Variants in EPB41 observed in about 807,000 individuals in gnomAD.
EPB41 encodes erythrocyte membrane protein band 4.1, also known as protein 4.1.
A neutral mutation model predicts 108.0 loss-of-function variants in EPB41; 65 were observed. The observed-to-expected ratio is 0.60, with a 90% CI of 0.49 to 0.74. EPB41 has a LOEUF of 0.74. Among genes scored for constraint, EPB41 ranks in the 30% least tolerant of loss-of-function variants. The pLI is 0.00. For synonymous variants in EPB41, 336 were observed against 358.9 expected (o/e 0.94, Z 0.72); for missense variants, 875 against 1,037.0 (o/e 0.84, Z 2.15).
intron 1 of EPB41, among the ~76,000 whole-genome samples, chr1:28,927,395 A>G (rs1456850209): frequency 6.6e-6 from 1 of 152,144 alleles, no homozygotes. Flanking sequence ...GTAAGGAAGC[A>G]TGGAGTTTTT....
At chr1:28,962,588 C>T (rs1212888308) in intron 1 of EPB41, among the ~76,000 whole-genome samples, 1 of 152,148 alleles carries the variant, frequency 6.6e-6, no homozygotes, top group Non-Finnish European at 1.5e-5. Context: ...CTGGTTTTCC[C>T]CAGCCCCTGC....
At chr1:29,107,667 A>G (rs1008170447) in intron 17 of EPB41, among the ~76,000 whole-genome samples, 2 of 151,768 alleles carry the variant, frequency 1.3e-5, no homozygotes, top group African/African-American at 2.4e-5. Flanking sequence ...CCTGGCCAAT[A>G]TGGTGAAACT....
chr1:28,937,945 T>A (rs951011191), intron 1 of EPB41, among the ~76,000 whole-genome samples: 1 of 152,244 alleles, frequency 6.6e-6, no homozygotes, highest in Non-Finnish European at 1.5e-5. Flanking sequence ...GCATTATATG[T>A]TGAAAGGACT....
chr1:29,083,884 T>C (rs1657744369), intron 16 of EPB41, among the ~76,000 whole-genome samples: 1 of 152,238 alleles, frequency 6.6e-6, no homozygotes, highest in Non-Finnish European at 1.5e-5. Flanking sequence ...ACTGATCTTA[T>C]CAGGATTAAA....
intron 1 of EPB41, among the ~76,000 whole-genome samples, chr1:28,889,424 G>T (rs2089848615): frequency 6.6e-6 from 1 of 152,216 alleles, no homozygotes; most frequent in Admixed American, 6.5e-5. Flanking sequence ...ATCCCTCCTA[G>T]ACCAGGGCTG....
chr1:29,085,137 T>G (rs150033092), intron 16 of EPB41, among the ~76,000 whole-genome samples: 88 of 148,934 alleles, frequency 5.9e-4, no homozygotes, highest in African/African-American at 2.1e-3. Context: ...AATACTTTGA[T>G]CTTCTTTTTT....
chr1:28,919,854 A>G (rs571423489), intron 1 of EPB41, among the ~76,000 whole-genome samples: 2 of 152,324 alleles, frequency 1.3e-5, no homozygotes, highest in East Asian at 1.9e-4. Context: ...ATTGCAATTA[A>G]GAGCAGTTCT....
At chr1:29,109,560 A>G (rs1294275450) in intron 18 of EPB41, 123 bp downstream of exon 18, 12 of 802,386 alleles carry the variant, frequency 1.5e-5, no homozygotes, top group Non-Finnish European at 2.6e-5. Flanking sequence ...AGTAAGCCAC[A>G]TTATTCAAAG....
chr1:29,030,601 T>C, intron 8 of EPB41, 114 bp downstream of exon 8: 1 of 862,640 alleles, frequency 1.2e-6, no homozygotes, highest in East Asian at 2.5e-5. Context: ...ACATCTGGGG[T>C]ATTTTAAAAC....
intron 1 of EPB41, among the ~76,000 whole-genome samples, chr1:28,962,395 G>A (rs949766023): frequency 1.3e-5 from 2 of 152,052 alleles, no homozygotes; most frequent in Non-Finnish European, 1.5e-5. Context: ...GGCAAAAACC[G>A]CAGTTACTTT....
chr1:29,076,297 C>T (rs747432157), intron 16 of EPB41, among the ~76,000 whole-genome samples: 12 of 152,134 alleles, frequency 7.9e-5, no homozygotes, highest in Admixed American at 2.6e-4. Context: ...TGGATTATTC[C>T]GCTTTATGTC....
intron 6 of EPB41, among the ~76,000 whole-genome samples, chr1:29,016,231 A>G (rs1181606801): frequency 6.6e-6 from 1 of 151,878 alleles, no homozygotes; most frequent in African/African-American, 2.4e-5. Flanking sequence ...TCTGGAGTGC[A>G]ATGGCACGAT....
At chr1:29,102,301 G>A (rs1487076432) in intron 17 of EPB41, among the ~76,000 whole-genome samples, 1 of 152,180 alleles carries the variant, frequency 6.6e-6, no homozygotes, top group Non-Finnish European at 1.5e-5. Context: ...TGATAAATTG[G>A]TAAGTGAACA....
At chr1:29,055,325 CAG>C (rs1159605293) in intron 12 of EPB41, among the ~76,000 whole-genome samples, 3 of 152,120 alleles carry the variant, frequency 2.0e-5, no homozygotes, top group Non-Finnish European at 4.4e-5. Context: ...CTGGAATTGT[CAG>C]GGGAATCTTC....
chr1:29,014,608 C>A (rs925985616), intron 5 of EPB41, among the ~76,000 whole-genome samples: 10 of 151,946 alleles, frequency 6.6e-5, no homozygotes, highest in Non-Finnish European at 1.2e-4. Flanking sequence ...CTCTGCCACC[C>A]AGGCTGGAGT....
intron 16 of EPB41, chr1:29,068,892 T>G (rs1206293084): frequency 2.1e-6 from 2 of 933,516 alleles, no homozygotes; most frequent in Non-Finnish European, 2.8e-6. Context: ...TACCTTTTTT[T>G]CTTTTGGCTA....
At chr1:29,096,993 T>A (rs906732619) in intron 16 of EPB41, 1 of 152,226 alleles carries the variant, frequency 6.6e-6, no homozygotes, top group African/African-American at 2.4e-5. Context: ...CATCTTCTTA[T>A]GAGATTTCAG....
intron 1 of EPB41, among the ~76,000 whole-genome samples, chr1:28,982,954 T>G (rs1205286326): frequency 4.6e-5 from 7 of 152,144 alleles, no homozygotes; most frequent in African/African-American, 1.7e-4. Context: ...AGAATTATAT[T>G]TTTGGGATTT....
intron 16 of EPB41, among the ~76,000 whole-genome samples, chr1:29,073,439 T>C (rs930811343): frequency 6.6e-6 from 1 of 152,204 alleles, no homozygotes; most frequent in African/African-American, 2.4e-5. Flanking sequence ...CCAGAGACCC[T>C]GGTTGTCGTT....
Sources: gnomAD v4.1 joint callset for allele counts (sites outside exome capture counted in the v4.1 genomes callset) on GRCh38, gnomAD v4.1.1 for gene constraint, MANE v1.5 for transcripts, NCBI Gene and HGNC (gene_info 2026-07-23, HGNC 2026-07-21) for gene names.